Variants in MGAT5B observed in about 807,000 individuals in gnomAD.
MGAT5B encodes the protein alpha-1,6-mannosylglycoprotein 6-beta-N-acetylglucosaminyltransferase B.
Under a neutral mutation model 95.1 loss-of-function variants are expected in MGAT5B, and 54 were observed. The observed-to-expected ratio is 0.57, with a 90% CI of 0.46 to 0.71. The LOEUF is 0.71. Ranked by LOEUF, MGAT5B falls within the 30% of genes least tolerant of loss-of-function variation. MGAT5B has a pLI of 0.00. For missense variants in MGAT5B, 935 were observed against 1,088.6 expected (o/e 0.86, Z 1.99); for synonymous variants, 464 against 451.0 (o/e 1.03, Z -0.36).
chr17:76,882,345 A>G (rs776296236), intron 3 of MGAT5B, 47 bp downstream of exon 3: 2 of 1,499,660 alleles, frequency 1.3e-6, no homozygotes, highest in East Asian at 2.4e-5. Flanking sequence ...GAGCGGTGGC[A>G]CCTGCCACTC....
Position 76,926,579 on chromosome 17 carries a change from G to A in MGAT5B, c.1158-18G>A. 1 of 1,601,740 alleles carries A rather than the reference G, an allele frequency of 6.2e-7. No homozygotes were observed. On this transcript the variant is annotated intron_variant, in intron 9 of 17. Transcript: ENST00000569840. Reference sequence around the variant, plus strand: ...GGGGAGGTTGCTGACCCTGGTTCCTGGTCCCCTGGGGGGGCAGGTGCCGAA... The same window carrying A: ...GGGGAGGTTGCTGACCCTGGTTCCTAGTCCCCTGGGGGGGCAGGTGCCGAA...
In MGAT5B at chr17:76,938,116, G is replaced by C. The variant is rs775897025; in HGVS notation, c.1557G>C (p.Glu519Asp). 1 of 1,614,236 alleles carries C rather than the reference G, an allele frequency of 6.2e-7. No homozygotes were observed. The highest frequency in any genetic ancestry group is 8.5e-7 in the Non-Finnish European group (1 of 1,180,040). The change falls in exon 13 of 18, where the codon GAG becomes GAC. Residue 519 changes from glutamate (E) to aspartate (D), a missense_variant. This residue lies in a region of MGAT5B where 440 missense variants were observed against 523.6 expected (regional missense o/e 0.84). Transcript: ENST00000569840. This position sits in a 1 kb window ranked among gnomAD's most constrained non-coding sequence, Gnocchi z 4.3. ...ACCACGGCCTCTTACCGCAGCCTGA[G>C]TTTCAGCAGCTGCTGCGCAAGGCCA... ...VKNHGLLPQP[E>D]FQQLLRKAKL...
intron 15 of MGAT5B, among the ~76,000 whole-genome samples, chr17:76,942,752 G>A (rs1969901074): frequency 6.6e-6 from 1 of 152,088 alleles, no homozygotes; most frequent in Non-Finnish European, 1.5e-5. Context: ...CCCCTGCACG[G>A]GGAAGCTGGC....
intron 16 of MGAT5B, 115 bp from the exon 17 acceptor site, chr17:76,947,715 A>G: frequency 1.4e-6 from 2 of 1,400,676 alleles, no homozygotes. Flanking sequence ...CCTGGTATTC[A>G]GTAAGCGCCC....
Position 76,940,108 on chromosome 17 carries a change from T to C in MGAT5B, c.1585-294T>C, listed in dbSNP as rs935250272. On this transcript the variant is annotated intron_variant, in intron 13 of 17. Coordinates refer to ENST00000569840, the MANE Select transcript of MGAT5B (RefSeq NM_001199172.2). This position sits in a 1 kb window ranked among gnomAD's most constrained non-coding sequence, Gnocchi z 4.3. The stretch of plus-strand genomic sequence containing the variant: ...TTCCTCCCTCCACAATCATAAATCA[T>C]AGCCTGATAGAGCAAGAAGAGACCA... Among the ~76,000 whole-genome samples the C allele has an allele frequency of 6.6e-6, 1 of 152,142 alleles. No homozygotes were observed. Among genetic ancestry groups the C allele is most frequent in the African/African-American group, 2.4e-5 (1 of 41,426 alleles).
chr17:76,921,465 G>A (rs1170769763), intron 8 of MGAT5B, among the ~76,000 whole-genome samples: 2 of 152,162 alleles, frequency 1.3e-5, no homozygotes, highest in Non-Finnish European at 2.9e-5. Context: ...TTTCCTGCCC[G>A]GCTCTGGATC....
At chr17:76,937,267 T>G (rs1969707200) in intron 12 of MGAT5B, among the ~76,000 whole-genome samples, 1 of 152,170 alleles carries the variant, frequency 6.6e-6, no homozygotes, top group Non-Finnish European at 1.5e-5. Flanking sequence ...AATATGGAGC[T>G]TCCATCAGAG....
At position 76,949,149 on chromosome 17, in the gene MGAT5B, G is replaced by A. The variant is rs1970128643; in HGVS notation, c.*311G>A. The A allele has an allele frequency of 5.3e-6, 2 of 380,204 alleles. No homozygotes were observed. The highest frequency in any genetic ancestry group is 9.6e-6 in the Non-Finnish European group (2 of 208,390). The allele number at this position is 380,204 out of a possible 1,614,324, so 23.6% of individuals were successfully genotyped here. A position where few individuals can be genotyped will look rare whatever the true frequency, so the allele number is the denominator to read the frequency against. On this transcript the variant is annotated 3_prime_UTR_variant, in exon 18 of 18. Transcript: ENST00000569840. ...AGGAGCAGGTGGTCGGAGGCCCCTGGCTTTGTGCAAGGCCGGATCTGGGCC... is the reference window on the plus strand; with the variant it reads ...AGGAGCAGGTGGTCGGAGGCCCCTGACTTTGTGCAAGGCCGGATCTGGGCC...
intron 13 of MGAT5B, among the ~76,000 whole-genome samples, chr17:76,939,019 G>A (rs929998216): frequency 7.9e-6 from 1 of 126,548 alleles, no homozygotes; most frequent in Non-Finnish European, 1.7e-5. Context: ...GTTTCCCAAG[G>A]CATCTTGGGG....
At chr17:76,932,829 G>A (rs749987263) in intron 11 of MGAT5B, 54 bp downstream of exon 11, 9 of 1,596,852 alleles carry the variant, frequency 5.6e-6, no homozygotes, top group Admixed American at 5.4e-5. Flanking sequence ...ACAGGCCCCC[G>A]CCTGGGTCCC....
intron 12 of MGAT5B, among the ~76,000 whole-genome samples, chr17:76,933,910 G>T (rs1011615534): frequency 6.6e-6 from 1 of 152,138 alleles, no homozygotes; most frequent in African/African-American, 2.4e-5. Context: ...GATGGCTACA[G>T]GTATTAGAGT....
In MGAT5B at chr17:76,949,478, T is replaced by A; in HGVS notation, c.*640T>A. 1 of 129,096 alleles carries A rather than the reference T, an allele frequency of 7.7e-6. No individual in the cohort carries two copies. The highest frequency in any genetic ancestry group is 1.8e-5 in the Non-Finnish European group (1 of 56,784). 8.0% of individuals were successfully genotyped at this position (129,096 alleles called of 1,614,324 possible). A position where few individuals can be genotyped will look rare whatever the true frequency, so the allele number is the denominator to read the frequency against. On this transcript the variant is annotated 3_prime_UTR_variant, in exon 18 of 18. Transcript: ENST00000569840. ...CTGTTTGTGCCTCCCCTTAGTCCCT[T>A]CCCTCCCGATTTCCCGATTCCCCCA...
rs370587987 is a variant in MGAT5B at position 76,870,669 on chromosome 17, A to G, written c.68+1572A>G. ...GGGGGTGGAGGTGCATGGGTCCCCA[A>G]AGTTGTGTAACTTCACCCCAGGGTC... On this transcript the variant is annotated intron_variant, in intron 1 of 17. Transcript: ENST00000569840. The surrounding 1 kb of genome is among the most constrained non-coding windows in gnomAD (Gnocchi z 5.0). Among the ~76,000 whole-genome samples, 16 of 151,864 alleles carry G rather than the reference A, an allele frequency of 1.1e-4. No individual in the cohort carries two copies. Among genetic ancestry groups the G allele is most frequent in the East Asian group, 5.8e-4 (3 of 5,136 alleles).
At chr17:76,871,413 G>T (rs954720750) in intron 1 of MGAT5B, among the ~76,000 whole-genome samples, 2 of 152,174 alleles carry the variant, frequency 1.3e-5, no homozygotes, top group East Asian at 3.9e-4. Context: ...CCTGCTGGGG[G>T]TGTGGTCTTC....
chr17:76,887,779 A>G (rs113182707), intron 3 of MGAT5B, among the ~76,000 whole-genome samples: 20 of 150,734 alleles, frequency 1.3e-4, no homozygotes, highest in African/African-American at 4.9e-4. Context: ...CTGGTCTCGA[A>G]CTCCTGACCT....
rs188780147 is a variant in MGAT5B, at chr17:76,906,008, G to A, written c.856-10G>A. 1.1e-4 allele frequency: 180 copies of A among 1,594,300 alleles called. No individual in the cohort carries two copies. In the African/African-American group the frequency reaches 1.8e-3, roughly 16 times the overall value. On this transcript the variant is annotated splice_polypyrimidine_tract_variant and intron_variant, in intron 7 of 17. Transcript: ENST00000569840. This position sits in a 1 kb window ranked among gnomAD's most constrained non-coding sequence, Gnocchi z 4.6. Reference sequence around the variant, plus strand: ...CCTCTCTGCTGACCCTCTGTGTTCCGCCCACCCAGATCCTGGTCCACATCG... The same window carrying A: ...CCTCTCTGCTGACCCTCTGTGTTCCACCCACCCAGATCCTGGTCCACATCG...
intron 9 of MGAT5B, among the ~76,000 whole-genome samples, chr17:76,926,196 A>C (rs12453247): frequency 0.71 from 107,389 of 151,940 alleles, 38,708 homozygotes; most frequent in East Asian, 0.78. Context: ...GGCTCCTGAG[A>C]AGAGGGGCTA....
chr17:76,935,193 C>T (rs983444425), intron 12 of MGAT5B, among the ~76,000 whole-genome samples: 1 of 152,166 alleles, frequency 6.6e-6, no homozygotes, highest in Non-Finnish European at 1.5e-5. Flanking sequence ...ACCCTCATCC[C>T]TGGAGGAAAC....
At chr17:76,885,049 T>C (rs1392514598) in intron 3 of MGAT5B, among the ~76,000 whole-genome samples, 1 of 152,198 alleles carries the variant, frequency 6.6e-6, no homozygotes, top group Non-Finnish European at 1.5e-5. Flanking sequence ...ACTGGATTTA[T>C]TTTTTAAAAA....
Sources: gnomAD v4.1 joint callset for allele counts (sites outside exome capture counted in the v4.1 genomes callset) on GRCh38, gnomAD v4.1.1 for gene constraint, gnomAD v4.1.1 regional missense constraint, Gnocchi (gnomAD v3.1) non-coding constraint, MANE v1.5 for transcripts, NCBI Gene and HGNC (gene_info 2026-07-23, HGNC 2026-07-21) for gene names.